ASIC2: variants seen among roughly 807,000 people sequenced by gnomAD.
ASIC2 encodes acid sensing ion channel subunit 2, also known as acid-sensing ion channel 2.
Under a neutral mutation model 57.3 loss-of-function variants are expected in ASIC2, and 25 were observed. The observed-to-expected ratio is 0.44, with a 90% CI of 0.32 to 0.61. The LOEUF is 0.61. Among genes scored for constraint, ASIC2 ranks in the 20% least tolerant of loss-of-function variants. The pLI is 0.06. For synonymous variants in ASIC2, 319 were observed against 307.5 expected (o/e 1.04, Z -0.39); for missense variants, 641 against 738.1 (o/e 0.87, Z 1.52).
intron 1 of ASIC2, among the ~76,000 whole-genome samples, chr17:34,076,297 G>A (rs536663901): frequency 8.5e-5 from 13 of 152,182 alleles, no homozygotes; most frequent in South Asian, 8.3e-4. Flanking sequence ...GAGCCACCAC[G>A]CCTGGCCCTC....
intron 1 of ASIC2, chr17:34,038,874 C>A: frequency 6.2e-7 from 1 of 1,612,598 alleles, no homozygotes; most frequent in Non-Finnish European, 8.5e-7. Flanking sequence ...CTTTCTATCT[C>A]TTCCCTCTGT....
At chr17:33,277,334 T>C (rs1310104990) in intron 1 of ASIC2, among the ~76,000 whole-genome samples, 2 of 152,170 alleles carry the variant, frequency 1.3e-5, no homozygotes, top group African/African-American at 4.8e-5. Context: ...AGGGAAGTTC[T>C]GGAATAGGAG....
intron 1 of ASIC2, among the ~76,000 whole-genome samples, chr17:33,632,997 C>T (rs563134312): frequency 1.7e-4 from 26 of 152,334 alleles, no homozygotes; most frequent in Admixed American, 1.4e-3. Flanking sequence ...GACCCAGAAG[C>T]TCTCTTACTT....
At chr17:33,112,103 T>A (rs1416849571) in intron 1 of ASIC2, 36 bp from the exon 2 acceptor site, 4 of 1,586,288 alleles carry the variant, frequency 2.5e-6, no homozygotes, top group Non-Finnish European at 3.4e-6. Context: ...GAGAAGCACA[T>A]GGGTAACTTC....
At chr17:34,111,338 A>G (rs980217514) in intron 1 of ASIC2, among the ~76,000 whole-genome samples, 4 of 149,126 alleles carry the variant, frequency 2.7e-5, no homozygotes, top group Non-Finnish European at 5.9e-5. Flanking sequence ...TATATTATAT[A>G]TACAGGCACC....
At chr17:33,392,503 A>C in intron 1 of ASIC2, among the ~76,000 whole-genome samples, 1 of 152,006 alleles carries the variant, frequency 6.6e-6, no homozygotes, top group East Asian at 1.9e-4. Flanking sequence ...GAACTCAGGC[A>C]ATCTGCCTGC....
At chr17:33,560,913 T>A (rs752981455) in intron 1 of ASIC2, among the ~76,000 whole-genome samples, 3 of 152,222 alleles carry the variant, frequency 2.0e-5, no homozygotes, top group Non-Finnish European at 4.4e-5. Context: ...CATACCCAGA[T>A]TTATCTAATT....
At chr17:33,265,772 T>C (rs1352730587) in intron 1 of ASIC2, among the ~76,000 whole-genome samples, 4 of 152,236 alleles carry the variant, frequency 2.6e-5, no homozygotes, top group African/African-American at 9.6e-5. Context: ...CTGGGCTTCC[T>C]TCTACCCAGG....
At chr17:33,614,776 A>G (rs114125997) in intron 1 of ASIC2, among the ~76,000 whole-genome samples, 2,128 of 152,350 alleles carry the variant, frequency 0.014, 38 homozygotes, top group African/African-American at 0.047. Flanking sequence ...TACCAAAATC[A>G]TTAGATATTC....
At chr17:33,534,371 T>C (rs1402553632) in intron 1 of ASIC2, 1 of 152,208 alleles carries the variant, frequency 6.6e-6, no homozygotes, top group African/African-American at 2.4e-5. Context: ...CTTCAACTTC[T>C]TGCCGATGAG....
At chr17:33,498,138 A>G (rs1225718232) in intron 1 of ASIC2, among the ~76,000 whole-genome samples, 1 of 152,244 alleles carries the variant, frequency 6.6e-6, no homozygotes, top group Non-Finnish European at 1.5e-5. Context: ...GAGAAAATTG[A>G]GGCCCAGAGA....
At chr17:33,096,027 T>C (rs527682587) in intron 2 of ASIC2, among the ~76,000 whole-genome samples, 1 of 152,330 alleles carries the variant, frequency 6.6e-6, no homozygotes, top group South Asian at 2.1e-4. Flanking sequence ...GTGGCACTGC[T>C]CTGCATTCCC....
intron 1 of ASIC2, among the ~76,000 whole-genome samples, chr17:33,323,841 ATTATAG>A (rs534090277): frequency 6.5e-4 from 98 of 151,840 alleles, no homozygotes; most frequent in Non-Finnish European, 8.8e-4. Context: ...CAGAACGGTA[ATTATAG>A]TTGTAGTTGG....
intron 1 of ASIC2, among the ~76,000 whole-genome samples, chr17:33,760,051 G>C (rs1018470264): frequency 5.3e-5 from 8 of 152,094 alleles, no homozygotes; most frequent in African/African-American, 1.7e-4. Context: ...TGCAGTTTCA[G>C]GTATTGTGTT....
intron 1 of ASIC2, among the ~76,000 whole-genome samples, chr17:33,113,552 G>C (rs1407625187): frequency 6.6e-6 from 1 of 152,204 alleles, no homozygotes; most frequent in East Asian, 1.9e-4. Flanking sequence ...GGAGGCCACA[G>C]GGAGGCTCTT....
chr17:34,005,351 AT>A (rs1223849694), intron 1 of ASIC2: 1 of 152,192 alleles, frequency 6.6e-6, no homozygotes, highest in Admixed American at 6.5e-5. Flanking sequence ...CGTTTCTATT[AT>A]CTTCAAACTT....
At chr17:33,306,161 C>T (rs918323554) in intron 1 of ASIC2, among the ~76,000 whole-genome samples, 2 of 152,084 alleles carry the variant, frequency 1.3e-5, no homozygotes, top group Non-Finnish European at 2.9e-5. Flanking sequence ...AAATGGAATT[C>T]TATTTGAGAA....
At chr17:33,357,028 C>CT (rs1908408975) in intron 1 of ASIC2, among the ~76,000 whole-genome samples, 2 of 72 alleles carry the variant, frequency 0.028, no homozygotes, top group Admixed American at 0.17. Context: ...GCATCAGAAT[C>CT]CCCTGGAGGT....
chr17:33,120,555 G>A (rs1358896750), intron 1 of ASIC2, among the ~76,000 whole-genome samples: 1 of 152,206 alleles, frequency 6.6e-6, no homozygotes, highest in East Asian at 1.9e-4. Flanking sequence ...AAGATGCTGG[G>A]CCTCTGCTGC....
Sources: gnomAD v4.1 joint callset for allele counts (sites outside exome capture counted in the v4.1 genomes callset) on GRCh38, gnomAD v4.1.1 for gene constraint, MANE v1.5 for transcripts, NCBI Gene and HGNC (gene_info 2026-07-23, HGNC 2026-07-21) for gene names.